The following GPC2 variants were observed in gnomAD, a reference collection of about 807,000 sequenced individuals.
The protein encoded by GPC2 is glypican-2.
A neutral mutation model predicts 57.3 loss-of-function variants in GPC2; 42 were observed. The observed-to-expected ratio is 0.73, with a 90% CI of 0.57 to 0.95. The LOEUF (loss-of-function observed/expected upper bound fraction) is 0.95. Among genes scored for constraint, GPC2 ranks in the 40% least tolerant of loss-of-function variants. The pLI, the probability that GPC2 is intolerant of heterozygous loss-of-function variation, is 0.00. For synonymous variants in GPC2, 364 were observed against 343.4 expected, an observed-to-expected ratio of 1.06 and a Z score of -0.66; for missense variants, 745 against 793.6, an observed-to-expected ratio of 0.94 and a Z score of 0.74.
In GPC2 at chr7:100,176,904, A is replaced by G. The variant is rs1382843889; in HGVS notation, c.166+130T>C. ...CCGGTAAGGAAGTTACAGGAGGAGA[A>G]CAGACATTACTGTGGGATGAAAAGA... On this transcript the variant is annotated intron_variant, in intron 1 of 9. Coordinates refer to ENST00000292377, the MANE Select transcript of GPC2 (RefSeq NM_152742.3). 3 of 691,564 alleles carry G rather than the reference A, an allele frequency of 4.3e-6. No individual in the cohort carries two copies. The African/African-American group carries it at 5.5e-5, about 13-fold the overall frequency. The allele number at this position is 691,564 out of a possible 1,614,324, so 42.8% of individuals were successfully genotyped here.
chr7:100,171,147 T>C lies in GPC2; in HGVS notation c.1486+114A>G, dbSNP rs1022816416. The C allele has an allele frequency of 4.4e-6, 4 of 915,534 alleles. No individual in the cohort carries two copies. In the Admixed American group the frequency reaches 1.0e-4, roughly 24 times the overall value. The allele number at this position is 915,534 out of a possible 1,614,324, so 56.7% of individuals were successfully genotyped here. ...CTCAATAAATGCTCGTTGAATGAAT[T>C]AGTGAATTAATCAATGAACGCTAAG... On this transcript the variant is annotated intron_variant, in intron 9 of 9. Coordinates refer to ENST00000292377, the MANE Select transcript of GPC2 (RefSeq NM_152742.3). This position sits in a 1 kb window ranked among gnomAD's most constrained non-coding sequence, Gnocchi z 4.8.
In GPC2 at chr7:100,175,684, T is replaced by TTCA; in HGVS notation, c.535_536insTGA (p.His179delinsLeuAsn). On this transcript the variant is annotated protein_altering_variant, in exon 3 of 10. Coordinates refer to ENST00000292377, the MANE Select transcript of GPC2 (RefSeq NM_152742.3). ...GTCAGGGGGGAAGCTGTACTGTGGGTGCAGCAGCGGGAACACTCTCTCCAG... is the reference window on the plus strand; with the variant it reads ...GTCAGGGGGGAAGCTGTACTGTGGGTTCAGCAGCAGCGGGAACACTCTCTCCAG... 2 of 1,614,016 alleles carry TTCA rather than the reference T, an allele frequency of 1.2e-6. No homozygotes were observed. Among genetic ancestry groups the TTCA allele is most frequent in the Non-Finnish European group, 1.7e-6 (2 of 1,179,996 alleles).
At chr7:100,175,461 G>T (rs1799250152) in intron 3 of GPC2, 111 bp downstream of exon 3, 1 of 809,596 alleles carries the variant, frequency 1.2e-6, no homozygotes, top group East Asian at 2.7e-5. Flanking sequence ...GCAGGATGGG[G>T]GATCACCAGG....
At chr7:100,172,710 T>C (rs1374271594) in intron 5 of GPC2, among the ~76,000 whole-genome samples, 4 of 147,716 alleles carry the variant, frequency 2.7e-5, no homozygotes, top group African/African-American at 7.5e-5. Context: ...TGTATATATA[T>C]GTATATATAC....
Position 100,171,963 on chromosome 7 carries a change from G to C in GPC2, c.1024-38C>G. 1 of 1,544,542 alleles carries C rather than the reference G, an allele frequency of 6.5e-7. No individual in the cohort carries two copies. Among genetic ancestry groups the C allele is most frequent in the Non-Finnish European group, 8.7e-7 (1 of 1,146,964 alleles). ...GAAGAGACCTCACACAGTCACCCTGGGGGGAAACCACACTGCGTCCCCACT... is the reference window on the plus strand; with the variant it reads ...GAAGAGACCTCACACAGTCACCCTGCGGGGAAACCACACTGCGTCCCCACT... On this transcript the variant is annotated intron_variant, in intron 6 of 9. Transcript: ENST00000292377. The surrounding 1 kb of genome is among the most constrained non-coding windows in gnomAD (Gnocchi z 4.8).
chr7:100,173,534 T>A (rs1348429831), intron 5 of GPC2: 1 of 195,144 alleles, frequency 5.1e-6, no homozygotes, highest in African/African-American at 2.3e-5. Flanking sequence ...TGCCTCAGCC[T>A]CAGGAGTAAC....
At chr7:100,170,595 C>T (rs1799161324) in intron 9 of GPC2, 112 bp from the exon 10 acceptor site, 2 of 994,622 alleles carry the variant, frequency 2.0e-6, no homozygotes. Context: ...GAGGGAGACA[C>T]AGGTGGATGC....
Position 100,177,135 on chromosome 7 carries a change from G to A in GPC2, c.65C>T (p.Pro22Leu), listed in dbSNP as rs1379426804. The A allele has an allele frequency of 1.2e-6, 2 of 1,613,594 alleles. No individual in the cohort carries two copies. The highest frequency in any genetic ancestry group is 1.3e-5 in the African/African-American group (1 of 74,932). Residue 22 changes from proline to leucine, a missense_variant, in exon 1 of 10, where the codon CCC becomes CTC. Pro to Leu is a moderately conservative substitution (Grantham distance 98). Around this residue, in one of 2 missense-constraint regions of GPC2, gnomAD observed 138 missense variants for 189.8 expected, o/e 0.73. Coordinates refer to ENST00000292377, the MANE Select transcript of GPC2 (RefSeq NM_152742.3). The part of the protein sequence containing the change: ...LPLCPGPGPG[P>L]GSEAKVTRSC... ...CCGGGTGACCTTTGCCTCGCTCCCG[G>A]GTCCGGGACCAGGACCGGGACACAG...
intron 2 of GPC2, 59 bp from the exon 3 acceptor site, chr7:100,175,953 G>T: frequency 7.1e-7 from 1 of 1,417,098 alleles, no homozygotes; most frequent in South Asian, 1.2e-5. Flanking sequence ...GGGGAGAAAA[G>T]TGAACAGGCA....
rs113943747 is a variant in GPC2 at position 100,171,752 on chromosome 7, C to T, written c.1170+27G>A. 1 of 1,514,674 alleles carries T rather than the reference C, an allele frequency of 6.6e-7. No individual in the cohort carries two copies. The highest frequency in any genetic ancestry group is 2.1e-5 in the Admixed American group (1 of 48,112). 93.8% of individuals were successfully genotyped at this position (1,514,674 alleles called of 1,614,324 possible). ...CCATCCCCGGCCCCGGGCCCCCCCGCCCCCAACTCTTGGTCATCCCACGCA... is the reference window on the plus strand; with the variant it reads ...CCATCCCCGGCCCCGGGCCCCCCCGTCCCCAACTCTTGGTCATCCCACGCA... On this transcript the variant is annotated intron_variant, in intron 7 of 9. Transcript: ENST00000292377. This position sits in a 1 kb window ranked among gnomAD's most constrained non-coding sequence, Gnocchi z 4.8.
rs1191084082 is a variant in GPC2 at position 100,173,849 on chromosome 7, C to T, written c.878G>A (p.Trp293Ter). 5 of 1,569,754 alleles carry T rather than the reference C, an allele frequency of 3.2e-6. No individual in the cohort carries two copies. The highest frequency in any genetic ancestry group is 3.5e-6 in the Non-Finnish European group (4 of 1,158,642). ...AATCCCCTCACCCAGATAGTTGCCC[C>T]AGTCAGGCTCCAGTCCCCTGCTGCT... ...CLSSRGLEPDWGNYLDGLLIL... is the reference protein window; with the variant it reads ...CLSSRGLEPD The change falls in exon 5 of 10, where the codon TGG becomes TAG. Residue 293 changes from tryptophan to a stop codon, truncating the protein, a stop_gained. Transcript: ENST00000292377. LOFTEE classifies it high-confidence loss of function.
chr7:100,171,831 A>T lies in GPC2; in HGVS notation c.1118T>A (p.Val373Glu). 3 of 1,568,634 alleles carry T rather than the reference A, an allele frequency of 1.9e-6. No homozygotes were observed. Among genetic ancestry groups the T allele is most frequent in the Non-Finnish European group, 2.6e-6 (3 of 1,165,718 alleles). The change falls in exon 7 of 10, where the codon GTG becomes GAG. Residue 373 changes from valine to glutamate, a missense_variant. Transcript: ENST00000292377. This position sits in a 1 kb window ranked among gnomAD's most constrained non-coding sequence, Gnocchi z 4.8. ...REEAGRLWSM[V>E]TEEERPTTAA... ...CGTCGTGGGCCGCTCCTCCTCGGTC[A>T]CCATCGACCACAGCCGGCCCGCCTC...
At chr7:100,172,745 G>GTATATATACACGTATATATA (rs1305714901) in intron 5 of GPC2, among the ~76,000 whole-genome samples, 55 of 133,154 alleles carry the variant, frequency 4.1e-4, no homozygotes, top group East Asian at 1.2e-3. Context: ...GTATATATAT[G>GTATATATACACGTATATATA]TGTGTATATA....
intron 4 of GPC2, 63 bp downstream of exon 4, chr7:100,174,622 G>A: frequency 8.2e-7 from 1 of 1,218,228 alleles, no homozygotes; most frequent in Non-Finnish European, 1.2e-6. Flanking sequence ...TCTTCCTTGT[G>A]GGGTCTCTCT....
intron 3 of GPC2, 85 bp from the exon 4 acceptor site, chr7:100,174,850 A>G (rs1584632085): frequency 9.8e-7 from 1 of 1,015,354 alleles, no homozygotes; most frequent in Non-Finnish European, 1.5e-6. Flanking sequence ...CATCAAGAGC[A>G]GTGAGGGTTG....
Position 100,170,184 on chromosome 7 carries a change from G to A in GPC2, c.*46C>T. 6.7e-7 allele frequency: 1 copy of A among 1,495,100 alleles called. No individual in the cohort carries two copies. Among genetic ancestry groups the A allele is most frequent in the Non-Finnish European group, 9.0e-7 (1 of 1,114,208 alleles). The allele number at this position is 1,495,100 out of a possible 1,614,324, so 92.6% of individuals were successfully genotyped here. A position where few individuals can be genotyped will look rare whatever the true frequency, so the allele number is the denominator to read the frequency against. On this transcript the variant is annotated 3_prime_UTR_variant, in exon 10 of 10. Transcript: ENST00000292377. ...CCAGGCCCAGCTGAGGGGGGAGGAG[G>A]GGAAAGGGCCATGAACCCTTCTGAT...
Position 100,170,193 on chromosome 7 carries a change from C to T in GPC2, c.*37G>A. On this transcript the variant is annotated 3_prime_UTR_variant, in exon 10 of 10. Coordinates refer to ENST00000292377, the MANE Select transcript of GPC2 (RefSeq NM_152742.3). ...GCTGAGGGGGGAGGAGGGGAAAGGG[C>T]CATGAACCCTTCTGATGCTAGGGCA... 1 of 1,520,140 alleles carries T rather than the reference C, an allele frequency of 6.6e-7. No homozygotes were observed. The allele number at this position is 1,520,140 out of a possible 1,614,324, so 94.2% of individuals were successfully genotyped here.
chr7:100,173,076 G>T (rs1799211884), intron 5 of GPC2, among the ~76,000 whole-genome samples: 1 of 151,968 alleles, frequency 6.6e-6, no homozygotes, highest in South Asian at 2.1e-4. Flanking sequence ...GTTTCACCAT[G>T]TTAGCCAGGC....
At chr7:100,174,509 A>AT (rs1799236324) in intron 4 of GPC2, 176 bp downstream of exon 4, 4 of 693,292 alleles carry the variant, frequency 5.8e-6, no homozygotes, top group Non-Finnish European at 7.9e-6. Context: ...ATCGTGGACC[A>AT]TTGGAGGTTT....
Sources: allele counts gnomAD v4.1 joint callset (sites outside exome capture counted in the v4.1 genomes callset), GRCh38; gene constraint gnomAD v4.1.1; regional missense constraint gnomAD v4.1.1; non-coding constraint Gnocchi (gnomAD v3.1); transcripts MANE v1.5; gene names NCBI Gene and HGNC (gene_info 2026-07-23, HGNC 2026-07-21).